GNG7: variants seen among roughly 807,000 people sequenced by gnomAD.
GNG7 encodes the protein G protein subunit gamma 7.
In GNG7, 1 loss-of-function variant was observed where a neutral mutation model predicts 4.0. That is an observed-to-expected ratio of 0.25 (90% CI 0.09 to 1.18). The LOEUF (loss-of-function observed/expected upper bound fraction) is 1.18. GNG7 is among the 50% of genes most tolerant of loss of function. The pLI, the probability that GNG7 is intolerant of heterozygous loss-of-function variation, is 0.50. For missense variants in GNG7, 86 were observed against 91.9 expected (o/e 0.94, Z 0.26); for synonymous variants, 34 against 36.9 (o/e 0.92, Z 0.29).
intron 3 of GNG7, among the ~76,000 whole-genome samples, chr19:2,553,735 A>G (rs149271310): frequency 0.022 from 3,347 of 148,882 alleles, 133 homozygotes; most frequent in Middle Eastern, 0.054. Flanking sequence ...TGTACATATT[A>G]CATGCAATAT....
At chr19:2,692,566 T>C (rs1599465024) in intron 1 of GNG7, among the ~76,000 whole-genome samples, 1 of 141,188 alleles carries the variant, frequency 7.1e-6, no homozygotes. Context: ...ACCCGGGAGG[T>C]GGAGCTTGCA....
At chr19:2,520,579 C>G (rs936756315) in intron 4 of GNG7, 29 bp downstream of exon 4, 1 of 1,369,176 alleles carries the variant, frequency 7.3e-7, no homozygotes, top group Non-Finnish European at 1.0e-6. Context: ...GGTCTCTCCC[C>G]TCCTCTTCCT....
At chr19:2,615,230 C>T (rs566574930) in intron 2 of GNG7, among the ~76,000 whole-genome samples, 8 of 151,466 alleles carry the variant, frequency 5.3e-5, no homozygotes, top group Admixed American at 3.9e-4. Context: ...GGCGCGATCT[C>T]GGCTCACTGC....
At position 2,513,098 on chromosome 19, in the gene GNG7, G is replaced by C. The variant is rs535587793; in HGVS notation, c.*1924C>G. ...CGGCTGTGGCCTGTGGGAGCTGCCC[G>C]AGGTTGAGGAGTGGAGGTCACTCCC... On this transcript the variant is annotated 3_prime_UTR_variant, in exon 5 of 5. Coordinates refer to ENST00000382159, the MANE Select transcript of GNG7 (RefSeq NM_052847.3). 1 of 985,564 alleles carries C rather than the reference G, an allele frequency of 1.0e-6. No homozygotes were observed. The highest frequency in any genetic ancestry group is 1.2e-6 in the Non-Finnish European group (1 of 830,054). The allele number at this position is 985,564 out of a possible 1,614,324, so 61.1% of individuals were successfully genotyped here.
chr19:2,606,242 G>A (rs12609434), intron 2 of GNG7, among the ~76,000 whole-genome samples: 29,744 of 151,944 alleles, frequency 0.2, 3,539 homozygotes, highest in Non-Finnish European at 0.28. Flanking sequence ...AGCTGGGCGT[G>A]GTGGTGTGCA....
intron 2 of GNG7, among the ~76,000 whole-genome samples, chr19:2,622,532 C>T (rs1467748412): frequency 2.0e-5 from 3 of 152,140 alleles, no homozygotes; most frequent in African/African-American, 4.8e-5. Flanking sequence ...ATGCGAGCAA[C>T]GCGGCAGAGA....
intron 1 of GNG7, among the ~76,000 whole-genome samples, chr19:2,693,431 GAAAGAAAGAAAA>G (rs1442120317): frequency 3.5e-5 from 5 of 141,516 alleles, no homozygotes; most frequent in East Asian, 4.5e-4. Flanking sequence ...AAAAAAAAAA[GAAAGAAAGAAAA>G]AAAGAAAGAA....
chr19:2,586,017 T>C (rs905552974), intron 2 of GNG7, among the ~76,000 whole-genome samples: 1 of 152,230 alleles, frequency 6.6e-6, no homozygotes, highest in Non-Finnish European at 1.5e-5. Context: ...TATTGATTTT[T>C]CAGTATCCCT....
Position 2,512,522 on chromosome 19 carries a change from C to A in GNG7, c.*2500G>T, listed in dbSNP as rs1972670578. 3.8e-6 allele frequency: 1 copy of A among 262,738 alleles called. No homozygotes were observed. The highest frequency in any genetic ancestry group is 1.4e-4 in the South Asian group (1 of 6,948). 16.3% of individuals were successfully genotyped at this position (262,738 alleles called of 1,614,324 possible). On this transcript the variant is annotated 3_prime_UTR_variant, in exon 5 of 5. Coordinates refer to ENST00000382159, the MANE Select transcript of GNG7 (RefSeq NM_052847.3). This position sits in a 1 kb window ranked among gnomAD's most constrained non-coding sequence, Gnocchi z 4.7. ...GGAGAGGCCAGCCTGTCCTTCCCCT[C>A]CCCGAGCCTCAGTTTACCTGGAACG... is the stretch of plus-strand genomic sequence containing the variant.
chr19:2,525,778 T>G (rs1261576535), intron 3 of GNG7, among the ~76,000 whole-genome samples: 1 of 151,952 alleles, frequency 6.6e-6, no homozygotes, highest in Non-Finnish European at 1.5e-5. Context: ...GCGTTATGTG[T>G]AAGAGTGAAA....
chr19:2,691,889 G>A (rs1202641526), intron 1 of GNG7, among the ~76,000 whole-genome samples: 1 of 151,856 alleles, frequency 6.6e-6, no homozygotes, highest in Non-Finnish European at 1.5e-5. Context: ...AAAAAGAGGA[G>A]GGAAATTTCC....
intron 3 of GNG7, among the ~76,000 whole-genome samples, chr19:2,545,950 G>A (rs1361900190): frequency 2.1e-5 from 3 of 141,410 alleles, no homozygotes; most frequent in Non-Finnish European, 4.7e-5. Flanking sequence ...GCGAGACTCT[G>A]CCTCAAAAAC....
chr19:2,683,907 A>G (rs1040240516), intron 1 of GNG7, among the ~76,000 whole-genome samples: 6 of 152,196 alleles, frequency 3.9e-5, no homozygotes, highest in Non-Finnish European at 7.3e-5. Flanking sequence ...GGTGGACAGC[A>G]TCGGCCAGAG....
chr19:2,650,183 C>CTTTTTTTTTTTTTTTTTT (rs529803793), intron 1 of GNG7, among the ~76,000 whole-genome samples: 1 of 126,006 alleles, frequency 7.9e-6, no homozygotes. Context: ...TCATAGGAAT[C>CTTTTTTTTTTTTTTTTTT]TTTTTTTTTT....
intron 1 of GNG7, among the ~76,000 whole-genome samples, chr19:2,686,293 G>C (rs1983869494): frequency 1.3e-5 from 2 of 152,088 alleles, no homozygotes; most frequent in Non-Finnish European, 2.9e-5. Flanking sequence ...GAGTAGCTGG[G>C]ATTACAGGCA....
intron 2 of GNG7, among the ~76,000 whole-genome samples, chr19:2,562,272 TTTTC>T (rs1398540268): frequency 3.8e-5 from 3 of 79,356 alleles, no homozygotes; most frequent in African/African-American, 6.4e-5. Context: ...TTCCTTTTTC[TTTTC>T]TTTCTTTTTC....
At chr19:2,631,366 TC>T (rs1437743181) in intron 2 of GNG7, among the ~76,000 whole-genome samples, 38 of 152,206 alleles carry the variant, frequency 2.5e-4, no homozygotes, top group African/African-American at 9.2e-4. Flanking sequence ...GATCATTCTT[TC>T]CTCACGAGTG....
intron 2 of GNG7, among the ~76,000 whole-genome samples, chr19:2,574,215 A>G (rs1980238862): frequency 1.3e-5 from 2 of 152,230 alleles, no homozygotes. Context: ...GGCCGCGGGA[A>G]CACGCATCTC....
chr19:2,611,936 T>C lies in GNG7; in HGVS notation c.-78+34288A>G, dbSNP rs1000944468. On this transcript the variant is annotated intron_variant, in intron 2 of 4. Transcript: ENST00000382159. This position sits in a 1 kb window ranked among gnomAD's most constrained non-coding sequence, Gnocchi z 6.0. Reference sequence around the variant, plus strand: ...GTCACCAGGCTGAAGTGCAGTAGTGTGATCTCAGCTCACTGCAACCTCCGC... The same window carrying C: ...GTCACCAGGCTGAAGTGCAGTAGTGCGATCTCAGCTCACTGCAACCTCCGC... 6.6e-6 allele frequency: 1 copy of C among 152,006 alleles called. No homozygotes were observed. Among genetic ancestry groups the C allele is most frequent in the Non-Finnish European group, 1.5e-5 (1 of 68,000 alleles). The allele number at this position is 152,006 out of a possible 1,614,324, so 9.4% of individuals were successfully genotyped here. A position where few individuals can be genotyped will look rare whatever the true frequency, so the allele number is the denominator to read the frequency against.
Sources: allele counts gnomAD v4.1 joint callset (sites outside exome capture counted in the v4.1 genomes callset), GRCh38; gene constraint gnomAD v4.1.1; non-coding constraint Gnocchi (gnomAD v3.1); transcripts MANE v1.5; gene names NCBI Gene and HGNC (gene_info 2026-07-23, HGNC 2026-07-21).